MAP3K1: variants seen among roughly 807,000 people sequenced by gnomAD.
MAP3K1 encodes MAP/ERK kinase kinase 1.
Under a neutral mutation model 144.2 loss-of-function variants are expected in MAP3K1, and 36 were observed. The observed-to-expected ratio is 0.25, with a 90% CI of 0.19 to 0.33. MAP3K1 has a LOEUF of 0.33. MAP3K1 is among the 10% of genes least tolerant of loss of function. MAP3K1 has a pLI of 1.00. For synonymous variants in MAP3K1, 718 were observed against 688.7 expected (o/e 1.04, Z -0.67); for missense variants, 1,650 against 1,881.9 (o/e 0.88, Z 2.28).
rs912292788 is a variant in MAP3K1, at chr5:56,815,867, A to G, written c.294A>G (p.Ala98=). Residue 98 remains alanine (A), a synonymous_variant, in exon 1 of 20, where the codon GCA becomes GCG. Coordinates refer to ENST00000399503, the MANE Select transcript of MAP3K1 (RefSeq NM_005921.2). Reference sequence around the variant, plus strand: ...CCCCGTCGCCGGAGCCCGCGGACGCAGCGGGGAGTGGGACCGGCTTCCAGC... The same window carrying G: ...CCCCGTCGCCGGAGCCCGCGGACGCGGCGGGGAGTGGGACCGGCTTCCAGC... ...STSPSPEPAD[A]AGSGTGFQPV... 1.4e-6 allele frequency: 2 copies of G among 1,392,788 alleles called. No homozygotes were observed. The highest frequency in any genetic ancestry group is 1.9e-6 in the Non-Finnish European group (2 of 1,069,082). 86.3% of individuals were successfully genotyped at this position (1,392,788 alleles called of 1,614,324 possible).
intron 1 of MAP3K1, among the ~76,000 whole-genome samples, chr5:56,832,932 G>T (rs1041573005): frequency 6.6e-6 from 1 of 152,114 alleles, no homozygotes; most frequent in African/African-American, 2.4e-5. Context: ...AGTGCAGTGG[G>T]GCTATCTCAG....
chr5:56,880,361 A>G (rs553702161), intron 11 of MAP3K1, among the ~76,000 whole-genome samples: 140 of 152,286 alleles, frequency 9.2e-4, no homozygotes, highest in Non-Finnish European at 1.8e-3. Flanking sequence ...TTTTAATTCA[A>G]GAGCTTCTTA....
chr5:56,884,330 G>A (rs1007598996), intron 15 of MAP3K1, among the ~76,000 whole-genome samples: 4 of 152,020 alleles, frequency 2.6e-5, no homozygotes, highest in Admixed American at 6.6e-5. Flanking sequence ...TTATTATAAC[G>A]AGCATACTTA....
chr5:56,879,480 T>A (rs1748141756), intron 11 of MAP3K1, among the ~76,000 whole-genome samples: 1 of 152,220 alleles, frequency 6.6e-6, no homozygotes, highest in African/African-American at 2.4e-5. Flanking sequence ...TACACCTGCA[T>A]ATGCCTTATT....
chr5:56,865,739 A>T, intron 5 of MAP3K1, 90 bp from the exon 6 acceptor site: 1 of 1,372,784 alleles, frequency 7.3e-7, no homozygotes, highest in Non-Finnish European at 1.0e-6. Context: ...AAAAACATGC[A>T]AATTAAAGAT....
intron 3 of MAP3K1, 119 bp downstream of exon 3, chr5:56,860,034 C>A (rs1320742059): frequency 1.1e-6 from 1 of 903,832 alleles, no homozygotes; most frequent in Non-Finnish European, 1.8e-6. Flanking sequence ...ATCTGCAGAC[C>A]CCTGAGGATG....
chr5:56,867,655 C>T (rs1003291838), intron 6 of MAP3K1, among the ~76,000 whole-genome samples: 6 of 152,040 alleles, frequency 3.9e-5, no homozygotes, highest in Non-Finnish European at 7.4e-5. Flanking sequence ...TTATTGTAAG[C>T]ATGTGCTTGA....
intron 1 of MAP3K1, among the ~76,000 whole-genome samples, chr5:56,834,743 G>T (rs1746596210): frequency 1.3e-5 from 2 of 152,146 alleles, no homozygotes; most frequent in South Asian, 4.1e-4. Context: ...GAGAAATATT[G>T]TTGTGCTTTA....
At chr5:56,877,728 G>A (rs553964776) in intron 10 of MAP3K1, among the ~76,000 whole-genome samples, 1 of 152,122 alleles carries the variant, frequency 6.6e-6, no homozygotes, top group Admixed American at 6.5e-5. Context: ...TAGCTAAACT[G>A]CAGACTTTAT....
Position 56,894,236 on chromosome 5 carries a change from G to C in MAP3K1, c.*556G>C, listed in dbSNP as rs1748635720. The C allele has an allele frequency of 4.2e-6, 1 of 235,708 alleles. No individual in the cohort carries two copies. The highest frequency in any genetic ancestry group is 1.7e-4 in the South Asian group (1 of 5,822). 14.6% of individuals were successfully genotyped at this position (235,708 alleles called of 1,614,324 possible). A position where few individuals can be genotyped will look rare whatever the true frequency, so the allele number is the denominator to read the frequency against. On this transcript the variant is annotated 3_prime_UTR_variant, in exon 20 of 20. Coordinates refer to ENST00000399503, the MANE Select transcript of MAP3K1 (RefSeq NM_005921.2). ...TTGACCTTTATTTTCTTAAATACCA[G>C]GGCAGTTGTGGCTCATTGTGCATTT...
intron 6 of MAP3K1, among the ~76,000 whole-genome samples, chr5:56,867,380 A>C (rs1415572125): frequency 1.3e-5 from 2 of 152,182 alleles, no homozygotes; most frequent in East Asian, 3.8e-4. Context: ...GAAAATACAG[A>C]GGAAATTTAT....
intron 3 of MAP3K1, among the ~76,000 whole-genome samples, chr5:56,862,894 G>A (rs1449506823): frequency 6.6e-6 from 1 of 152,100 alleles, no homozygotes; most frequent in African/African-American, 2.4e-5. Context: ...TATATTCACA[G>A]GGTTGTGTAG....
chr5:56,842,767 A>G (rs1315296191), intron 1 of MAP3K1, among the ~76,000 whole-genome samples: 1 of 152,194 alleles, frequency 6.6e-6, no homozygotes, highest in African/African-American at 2.4e-5. Context: ...TAAGTACTTT[A>G]CATATATATT....
At chr5:56,885,724 A>G (rs1197146803) in intron 16 of MAP3K1, among the ~76,000 whole-genome samples, 4 of 152,226 alleles carry the variant, frequency 2.6e-5, no homozygotes, top group Non-Finnish European at 5.9e-5. Context: ...TGACTCTCCA[A>G]TAAACTGGTT....
chr5:56,835,542 C>A (rs1204920375), intron 1 of MAP3K1, among the ~76,000 whole-genome samples: 1 of 151,612 alleles, frequency 6.6e-6, no homozygotes, highest in East Asian at 2.0e-4. Flanking sequence ...CTACAGAGGA[C>A]GTGGGTTAAT....
intron 1 of MAP3K1, among the ~76,000 whole-genome samples, chr5:56,848,604 ATT>A (rs1401498556): frequency 6.6e-6 from 1 of 152,156 alleles, no homozygotes; most frequent in East Asian, 1.9e-4. Flanking sequence ...CTATTAATAC[ATT>A]GTCTTATTTT....
chr5:56,816,807 TC>T (rs1245782468), intron 1 of MAP3K1, among the ~76,000 whole-genome samples: 5 of 152,248 alleles, frequency 3.3e-5, no homozygotes, highest in Admixed American at 2.6e-4. Flanking sequence ...CTTTGAGTGT[TC>T]CTGGGAATGC....
chr5:56,893,811 C>T lies in MAP3K1; in HGVS notation c.*131C>T. ...CTATGAACGAGGCCAGTGGGGAACC[C>T]TTACCTAAGTATGTGATTGACAAAT... On this transcript the variant is annotated 3_prime_UTR_variant, in exon 20 of 20. Transcript: ENST00000399503. 2 of 935,382 alleles carry T rather than the reference C, an allele frequency of 2.1e-6. No individual in the cohort carries two copies. The highest frequency in any genetic ancestry group is 3.3e-6 in the Non-Finnish European group (2 of 599,614). 57.9% of individuals were successfully genotyped at this position (935,382 alleles called of 1,614,324 possible).
intron 3 of MAP3K1, 100 bp from the exon 4 acceptor site, chr5:56,864,634 A>G: frequency 1.6e-6 from 2 of 1,289,200 alleles, no homozygotes; most frequent in Non-Finnish European, 2.2e-6. Context: ...CGGCCTCCCA[A>G]AGTGCTGGGA....
Sources: allele counts gnomAD v4.1 joint callset (sites outside exome capture counted in the v4.1 genomes callset), GRCh38; gene constraint gnomAD v4.1.1; transcripts MANE v1.5; gene names NCBI Gene and HGNC (gene_info 2026-07-23, HGNC 2026-07-21).